The following MAP3K9 variants were observed in gnomAD, a reference collection of about 807,000 sequenced individuals.
The protein encoded by MAP3K9 is mitogen-activated protein kinase kinase kinase 9, also known as mixed lineage kinase 1 (tyr and ser/thr specificity).
MAP3K9 carries 46 observed loss-of-function variants against 95.8 expected under a neutral mutation model. That is an observed-to-expected ratio of 0.48 (90% confidence interval 0.38 to 0.61). The LOEUF (loss-of-function observed/expected upper bound fraction) is 0.61. MAP3K9 is among the 20% of genes least tolerant of loss of function. The pLI, the probability that MAP3K9 is intolerant of heterozygous loss-of-function variation, is 0.00. For missense variants in MAP3K9, 1,296 were observed against 1,474.3 expected (o/e 0.88, Z 1.98); for synonymous variants, 533 against 593.8 (o/e 0.90, Z 1.49).
At chr14:70,779,101 C>T (rs1298846593) in intron 2 of MAP3K9, among the ~76,000 whole-genome samples, 1 of 152,156 alleles carries the variant, frequency 6.6e-6, no homozygotes, top group Admixed American at 6.5e-5. Flanking sequence ...CTTGACATAT[C>T]TAAGAAATAG....
Position 70,808,977 on chromosome 14 carries a change from C to T in MAP3K9, c.195G>A (p.Ala65=). 1.3e-6 allele frequency: 2 copies of T among 1,567,152 alleles called. No homozygotes were observed. The highest frequency in any genetic ancestry group is 1.7e-6 in the Non-Finnish European group (2 of 1,163,596). Residue 65 remains alanine, a synonymous_variant, in exon 1 of 12, where the codon GCG becomes GCA. Coordinates refer to ENST00000554752, the MANE Select transcript of MAP3K9 (RefSeq NM_001284230.2). The stretch of plus-strand genomic sequence containing the variant: ...GCAGGGTCAGCTCGTCCTCGCCCGC[C>T]GCCTCGTACTCGAACACGGCCGTCC... The part of the protein sequence containing the change: ...PYWTAVFEYE[A]AGEDELTLRL...
At chr14:70,750,150 T>C in intron 3 of MAP3K9, 69 bp from the exon 4 acceptor site, 5 of 891,196 alleles carry the variant, frequency 5.6e-6, no homozygotes, top group Non-Finnish European at 8.3e-6. Flanking sequence ...ATAGCTCGAG[T>C]CTTTTCTGAG....
intron 2 of MAP3K9, among the ~76,000 whole-genome samples, chr14:70,794,691 T>TC (rs1272833324): frequency 3.6e-5 from 5 of 138,990 alleles, no homozygotes; most frequent in Admixed American, 7.4e-5. Context: ...TTCTTTTTTT[T>TC]TTCCAAGATG....
intron 2 of MAP3K9, among the ~76,000 whole-genome samples, chr14:70,766,147 T>A (rs901731299): frequency 6.6e-6 from 1 of 152,066 alleles, no homozygotes; most frequent in Non-Finnish European, 1.5e-5. Context: ...AAAAAGCCCA[T>A]TTGAAGAAGC....
intron 2 of MAP3K9, among the ~76,000 whole-genome samples, chr14:70,782,714 A>G (rs1168833990): frequency 6.6e-6 from 1 of 152,194 alleles, no homozygotes; most frequent in African/African-American, 2.4e-5. Flanking sequence ...TATGATATGG[A>G]TGCTTTTCTA....
At chr14:70,798,714 G>A (rs945653015) in intron 2 of MAP3K9, among the ~76,000 whole-genome samples, 2 of 151,858 alleles carry the variant, frequency 1.3e-5, no homozygotes, top group East Asian at 1.9e-4. Context: ...TCCTGACCTC[G>A]TGATCCGCCC....
chr14:70,770,466 G>A (rs1480389649), intron 2 of MAP3K9, among the ~76,000 whole-genome samples: 2 of 152,130 alleles, frequency 1.3e-5, no homozygotes, highest in African/African-American at 4.8e-5. Flanking sequence ...TTACAGGAGT[G>A]AGCCACCGTG....
rs1297994886 is a variant in MAP3K9, at chr14:70,808,795, T to C, written c.377A>G (p.Glu126Gly). 1.3e-6 allele frequency: 2 copies of C among 1,579,118 alleles called. No homozygotes were observed. The highest frequency in any genetic ancestry group is 1.8e-5 in the Admixed American group (1 of 56,284). Reference sequence around the variant, plus strand: ...AATGGGCGGGTAGCAACTGGGGTCCTCGCCGCCGGGCTGGCAGCGGCTGGA... The same window carrying C: ...AATGGGCGGGTAGCAACTGGGGTCCCCGCCGCCGGGCTGGCAGCGGCTGGA... ...AFSSRCQPGGEDPSCYPPIQL... is the reference protein window; with the variant it reads ...AFSSRCQPGGGDPSCYPPIQL... Residue 126 changes from glutamate to glycine, a missense_variant, in exon 1 of 12, where the codon GAG becomes GGG. Coordinates refer to ENST00000554752, the MANE Select transcript of MAP3K9 (RefSeq NM_001284230.2).
intron 2 of MAP3K9, among the ~76,000 whole-genome samples, chr14:70,775,087 C>T (rs895698473): frequency 1.4e-4 from 20 of 145,628 alleles, no homozygotes; most frequent in African/African-American, 4.6e-4. Flanking sequence ...ATAAGCGAAA[C>T]GTTTTTCTTC....
At chr14:70,782,012 G>A (rs1015424787) in intron 2 of MAP3K9, among the ~76,000 whole-genome samples, 4 of 152,196 alleles carry the variant, frequency 2.6e-5, no homozygotes, top group Admixed American at 1.3e-4. Context: ...TTCCCTGGGA[G>A]GTCATAGCTA....
intron 8 of MAP3K9, 84 bp downstream of exon 8, chr14:70,738,161 A>AG: frequency 7.2e-7 from 1 of 1,386,026 alleles, no homozygotes; most frequent in Non-Finnish European, 9.7e-7. Flanking sequence ...CACACGACAG[A>AG]GAAAAAAAGT....
At chr14:70,754,657 G>C (rs2054274167) in intron 3 of MAP3K9, among the ~76,000 whole-genome samples, 2 of 152,102 alleles carry the variant, frequency 1.3e-5, no homozygotes, top group Non-Finnish European at 2.9e-5. Flanking sequence ...ATTTTTAGTA[G>C]AGATGGGGTT....
At chr14:70,786,262 C>A (rs2054743340) in intron 2 of MAP3K9, among the ~76,000 whole-genome samples, 1 of 151,940 alleles carries the variant, frequency 6.6e-6, no homozygotes, top group African/African-American at 2.4e-5. Context: ...TCTCCTAAGG[C>A]AGGGGAGAGG....
chr14:70,761,501 G>A (rs796433202), intron 2 of MAP3K9, among the ~76,000 whole-genome samples: 7 of 152,310 alleles, frequency 4.6e-5, no homozygotes, highest in African/African-American at 1.7e-4. Context: ...AGTGGTTCAC[G>A]CATGTAATCC....
intron 2 of MAP3K9, chr14:70,783,358 C>T (rs553645366): frequency 4.6e-5 from 45 of 985,150 alleles, no homozygotes; most frequent in South Asian, 9.4e-5. Context: ...TCCACAGCAA[C>T]GCTTCCTCAA....
intron 3 of MAP3K9, among the ~76,000 whole-genome samples, chr14:70,758,356 G>C (rs1319663949): frequency 6.6e-6 from 1 of 151,974 alleles, no homozygotes; most frequent in Non-Finnish European, 1.5e-5. Flanking sequence ...TATCCACAAG[G>C]ATAGACATAA....
At chr14:70,739,458 T>C (rs536803903) in intron 7 of MAP3K9, among the ~76,000 whole-genome samples, 1 of 152,126 alleles carries the variant, frequency 6.6e-6, no homozygotes, top group East Asian at 1.9e-4. Context: ...ATAAAATCTG[T>C]CTTTAAACCA....
At chr14:70,747,290 T>G (rs1323414135) in intron 5 of MAP3K9, among the ~76,000 whole-genome samples, 1 of 152,188 alleles carries the variant, frequency 6.6e-6, no homozygotes, top group Non-Finnish European at 1.5e-5. Context: ...CCTCATCCTG[T>G]TCTCGTAATA....
intron 3 of MAP3K9, among the ~76,000 whole-genome samples, chr14:70,756,507 G>A (rs577644513): frequency 2.0e-5 from 3 of 152,320 alleles, no homozygotes; most frequent in East Asian, 1.9e-4. Context: ...CAGCTAGAAC[G>A]TACATTTTTC....
Sources: gnomAD v4.1 joint callset for allele counts (sites outside exome capture counted in the v4.1 genomes callset) on GRCh38, gnomAD v4.1.1 for gene constraint, MANE v1.5 for transcripts, NCBI Gene and HGNC (gene_info 2026-07-23, HGNC 2026-07-21) for gene names.